Variants in ACTN1 observed in about 807,000 individuals in gnomAD.
The protein encoded by ACTN1 is alpha-actinin-1.
ACTN1 carries 30 observed loss-of-function variants against 119.6 expected under a neutral mutation model. The ratio of observed to expected loss-of-function variants is 0.25; its 90% confidence interval spans 0.19 to 0.34. The LOEUF is 0.34. Ranked by LOEUF, ACTN1 falls within the 10% of genes least tolerant of loss-of-function variation. The pLI, the probability that ACTN1 is intolerant of heterozygous loss-of-function variation, is 1.00. For missense variants in ACTN1, 764 were observed against 1,223.4 expected, an observed-to-expected ratio of 0.62 and a Z score of 5.60; for synonymous variants, 429 against 472.6, an observed-to-expected ratio of 0.91 and a Z score of 1.20.
chr14:68,912,332 C>T (rs1040481900), intron 3 of ACTN1, 90 bp from the exon 4 acceptor site: 10 of 1,006,364 alleles, frequency 9.9e-6, no homozygotes, highest in Admixed American at 1.9e-5. Flanking sequence ...CCATGCCCCA[C>T]GCTAGGAATC....
Position 68,874,725 on chromosome 14 carries a change from A to G in ACTN1, c.*134T>C. 1.2e-6 allele frequency: 1 copy of G among 855,646 alleles called. No homozygotes were observed. The highest frequency in any genetic ancestry group is 2.9e-5 in the East Asian group (1 of 34,294). 53.0% of individuals were successfully genotyped at this position (855,646 alleles called of 1,614,324 possible). The stretch of plus-strand genomic sequence containing the variant: ...AACTGTCACTTCGCGGGCAGGGAGG[A>G]TCGATGCCACGTGGGCCCCAGCTCA... On this transcript the variant is annotated 3_prime_UTR_variant, in exon 22 of 22. Transcript: ENST00000394419.
At chr14:68,924,719 C>T (rs948997854) in intron 2 of ACTN1, among the ~76,000 whole-genome samples, 1 of 152,188 alleles carries the variant, frequency 6.6e-6, no homozygotes, top group Non-Finnish European at 1.5e-5. Flanking sequence ...ACAGGCCACA[C>T]TGACACCACA....
At chr14:68,977,338 A>G (rs1474082282) in intron 1 of ACTN1, 4 of 152,386 alleles carry the variant, frequency 2.6e-5, no homozygotes, top group Admixed American at 6.5e-5. Flanking sequence ...AAGCCAAGTG[A>G]GTGGGGGACT....
At chr14:68,922,388 A>G (rs2034697867) in intron 2 of ACTN1, among the ~76,000 whole-genome samples, 2 of 152,228 alleles carry the variant, frequency 1.3e-5, no homozygotes, top group South Asian at 4.1e-4. Context: ...TTTAAATTAA[A>G]TCAAGACTTT....
intron 1 of ACTN1, among the ~76,000 whole-genome samples, chr14:68,946,134 C>T (rs991584919): frequency 4.6e-5 from 7 of 152,140 alleles, no homozygotes; most frequent in African/African-American, 1.4e-4. Flanking sequence ...CCCGGCCACA[C>T]TCTCACAACT....
rs530688129 is a variant in ACTN1 at position 68,965,571 on chromosome 14, C to T, written c.105+13381G>A. 2.1e-4 allele frequency among the ~76,000 whole-genome samples: 32 copies of T among 152,336 alleles called. 1 individual carries two copies. In the South Asian group the frequency reaches 6.6e-3, roughly 32 times the overall value. On this transcript the variant is annotated intron_variant, in intron 1 of 21. Transcript: ENST00000394419. The stretch of plus-strand genomic sequence containing the variant: ...CCCACCCCCAGACACACCTGGAGCA[C>T]CCAGACTAGAAGGCAGAGCTAAGTT...
At chr14:68,897,215 C>T (rs562591387) in intron 8 of ACTN1, among the ~76,000 whole-genome samples, 99 of 152,274 alleles carry the variant, frequency 6.5e-4, no homozygotes, top group African/African-American at 2.3e-3. Flanking sequence ...AAATTCCTGA[C>T]CTCAGGTGAT....
At chr14:68,937,478 A>G (rs978370418) in intron 1 of ACTN1, among the ~76,000 whole-genome samples, 4 of 152,226 alleles carry the variant, frequency 2.6e-5, no homozygotes, top group African/African-American at 9.7e-5. Context: ...AATATAGGGA[A>G]AAGGCTCTGA....
rs561832622 is a variant in ACTN1 at position 68,966,454 on chromosome 14, C to A, written c.105+12498G>T. Among the ~76,000 whole-genome samples, 190 of 152,304 alleles carry A rather than the reference C, an allele frequency of 1.2e-3. 1 individual carries two copies. Among genetic ancestry groups the A allele is most frequent in the Non-Finnish European group, 1.4e-3 (93 of 68,030 alleles). Reference sequence around the variant, plus strand: ...TCCAGCATCACAAAGTGGCCACAGGCAGCACTAGGACAAGACCTCGGGTCT... The same window carrying A: ...TCCAGCATCACAAAGTGGCCACAGGAAGCACTAGGACAAGACCTCGGGTCT... On this transcript the variant is annotated intron_variant, in intron 1 of 21. Transcript: ENST00000394419.
Position 68,884,072 on chromosome 14 carries a change from C to A in ACTN1, c.1635+96G>T, listed in dbSNP as rs985453961. ...CTGGGTCTATAAAATCCTTAGGATG[C>A]TCTTCCTCAGGGGGCAGTCCTGCAA... On this transcript the variant is annotated intron_variant, in intron 14 of 21. Coordinates refer to ENST00000394419, the MANE Select transcript of ACTN1 (RefSeq NM_001130004.2). The A allele has an allele frequency of 8.5e-6, 11 of 1,297,198 alleles. No individual in the cohort carries two copies. In the African/African-American group the frequency reaches 1.3e-4, roughly 16 times the overall value. The allele number at this position is 1,297,198 out of a possible 1,614,324, so 80.4% of individuals were successfully genotyped here. A position where few individuals can be genotyped will look rare whatever the true frequency, so the allele number is the denominator to read the frequency against.
rs1594823347 is a variant in ACTN1, at chr14:68,925,150, C to T, written c.220+408G>A. Among the ~76,000 whole-genome samples the T allele has an allele frequency of 6.6e-6, 1 of 152,096 alleles. No individual in the cohort carries two copies. Among genetic ancestry groups the T allele is most frequent in the East Asian group, 1.9e-4 (1 of 5,186 alleles). On this transcript the variant is annotated intron_variant, in intron 2 of 21. Transcript: ENST00000394419. The surrounding 1 kb of genome is among the most constrained non-coding windows in gnomAD (Gnocchi z 4.3). ...GATGTGTGTTCCAGTAGAGCTGTCC[C>T]TCCAGACATCTGGACAAACCAGGGG...
chr14:68,918,627 G>A (rs2034465320), intron 3 of ACTN1, among the ~76,000 whole-genome samples: 1 of 151,906 alleles, frequency 6.6e-6, no homozygotes, highest in Non-Finnish European at 1.5e-5. Context: ...CAGGCGCGGT[G>A]GCGCACACCT....
chr14:68,898,418 C>T (rs192874194), intron 8 of ACTN1, among the ~76,000 whole-genome samples: 69 of 152,356 alleles, frequency 4.5e-4, no homozygotes, highest in Admixed American at 4.4e-3. Flanking sequence ...GGCACACGAG[C>T]TGTGCACCAC....
intron 21 of ACTN1, 145 bp from the exon 22 acceptor site, chr14:68,875,162 A>G (rs977533635): frequency 1.0e-5 from 16 of 1,527,148 alleles, no homozygotes; most frequent in Non-Finnish European, 1.4e-5. Flanking sequence ...GGATGTACGG[A>G]CGTAAATATC....
chr14:68,925,574 C>G lies in ACTN1; in HGVS notation c.204G>C (p.Leu68=), dbSNP rs1272259455. 3 of 1,612,606 alleles carry G rather than the reference C, an allele frequency of 1.9e-6. No individual in the cohort carries two copies. In the African/African-American group the frequency reaches 4.0e-5, roughly 22 times the overall value. ...DFRDGLKLML[L]LEVISGERLA... ...CCGCCTCACCTGAGATGACCTCCAG[C>G]AGCAGCATGAGCTTCAGGCCATCCC... The change falls in exon 2 of 22, where the codon CTG becomes CTC. Residue 68 remains leucine, a synonymous_variant. Coordinates refer to ENST00000394419, the MANE Select transcript of ACTN1 (RefSeq NM_001130004.2). The surrounding 1 kb of genome is among the most constrained non-coding windows in gnomAD (Gnocchi z 4.3).
chr14:68,902,283 G>A (rs908816854), intron 8 of ACTN1, among the ~76,000 whole-genome samples, 194 bp downstream of exon 8: 5 of 151,652 alleles, frequency 3.3e-5, no homozygotes, highest in African/African-American at 4.9e-5. Context: ...TAGAAGATGA[G>A]AGAGAGAGGT....
At chr14:68,953,644 C>T (rs570822118) in intron 1 of ACTN1, among the ~76,000 whole-genome samples, 48 of 151,282 alleles carry the variant, frequency 3.2e-4, no homozygotes, top group African/African-American at 1.1e-3. Context: ...TTTGGGAGGC[C>T]GAGGCAGGCA....
chr14:68,888,254 T>C (rs996750819), intron 11 of ACTN1: 57 of 349,838 alleles, frequency 1.6e-4, no homozygotes, highest in African/African-American at 1.1e-3. Flanking sequence ...TTGGTAGAAC[T>C]GAATACATGT....
chr14:68,877,072 G>A lies in ACTN1; in HGVS notation c.2586+10C>T. 1.2e-6 allele frequency: 2 copies of A among 1,613,722 alleles called. No individual in the cohort carries two copies. The highest frequency in any genetic ancestry group is 1.7e-6 in the Non-Finnish European group (2 of 1,179,820). ...CACCCCAGCACAGTGCCCACCCATA[G>A]GACACCCACCTTGTCCCCAGCCAGG... On this transcript the variant is annotated intron_variant, in intron 21 of 21. Coordinates refer to ENST00000394419, the MANE Select transcript of ACTN1 (RefSeq NM_001130004.2).
Sources: allele counts gnomAD v4.1 joint callset (sites outside exome capture counted in the v4.1 genomes callset), GRCh38; gene constraint gnomAD v4.1.1; non-coding constraint Gnocchi (gnomAD v3.1); transcripts MANE v1.5; gene names NCBI Gene and HGNC (gene_info 2026-07-23, HGNC 2026-07-21).